Variants in DSCAM observed in about 807,000 individuals in gnomAD.
The protein encoded by DSCAM is DS cell adhesion molecule, also known as cell adhesion molecule DSCAM.
A neutral mutation model predicts 217.7 loss-of-function variants in DSCAM; 47 were observed. The observed-to-expected ratio is 0.22, with a 90% CI of 0.17 to 0.28. The LOEUF is 0.28. Among genes scored for constraint, DSCAM ranks in the 10% least tolerant of loss-of-function variants. The pLI is 1.00. For synonymous variants in DSCAM, 1,056 were observed against 1,015.3 expected (o/e 1.04, Z -0.76); for missense variants, 2,080 against 2,618.3 (o/e 0.79, Z 4.49).
intron 3 of DSCAM, among the ~76,000 whole-genome samples, chr21:40,482,002 G>C (rs2075987282): frequency 1.3e-5 from 2 of 152,216 alleles, no homozygotes; most frequent in South Asian, 2.1e-4. Context: ...TGTGAAACCA[G>C]AAATCTCAGA....
intron 21 of DSCAM, 56 bp downstream of exon 21, chr21:40,093,665 G>C (rs2089638814): frequency 6.3e-7 from 1 of 1,583,924 alleles, no homozygotes; most frequent in Non-Finnish European, 8.6e-7. Flanking sequence ...GTAAAATAGA[G>C]ACTTAAAAAC....
chr21:40,557,142 G>C (rs1385933671), intron 3 of DSCAM, among the ~76,000 whole-genome samples: 1 of 152,082 alleles, frequency 6.6e-6, no homozygotes, highest in African/African-American at 2.4e-5. Context: ...TGTGGATGTG[G>C]TTTGTCCCTG....
chr21:40,017,555 G>A (rs888838537), intron 32 of DSCAM, among the ~76,000 whole-genome samples: 22 of 126,722 alleles, frequency 1.7e-4, no homozygotes, highest in African/African-American at 7.2e-4. Context: ...ACAATAAATG[G>A]GCCATAACAT....
chr21:40,382,100 G>A (rs146554986), intron 3 of DSCAM, among the ~76,000 whole-genome samples: 54 of 152,286 alleles, frequency 3.5e-4, no homozygotes, highest in East Asian at 2.7e-3. Flanking sequence ...CTAGGCTTCC[G>A]TTTCAAAGCA....
intron 9 of DSCAM, among the ~76,000 whole-genome samples, chr21:40,310,587 T>A (rs1005797699): frequency 6.6e-6 from 1 of 152,272 alleles, no homozygotes; most frequent in Non-Finnish European, 1.5e-5. Context: ...TTGCCTTGGT[T>A]AAAAACTTCT....
At chr21:40,163,336 C>A (rs898229287) in intron 16 of DSCAM, among the ~76,000 whole-genome samples, 1 of 152,160 alleles carries the variant, frequency 6.6e-6, no homozygotes, top group Non-Finnish European at 1.5e-5. Context: ...TTTAAATATT[C>A]TTTCTGATTT....
At chr21:40,107,556 T>A (rs903815389) in intron 20 of DSCAM, among the ~76,000 whole-genome samples, 7 of 152,082 alleles carry the variant, frequency 4.6e-5, no homozygotes, top group African/African-American at 1.7e-4. Flanking sequence ...TGAATATCTT[T>A]GTTAATTTTT....
chr21:40,098,455 T>G (rs1300720926), intron 20 of DSCAM, among the ~76,000 whole-genome samples: 1 of 152,200 alleles, frequency 6.6e-6, no homozygotes, highest in Non-Finnish European at 1.5e-5. Flanking sequence ...TTCACTGATG[T>G]CACAAGACCA....
chr21:40,793,841 T>C (rs2091668297), intron 1 of DSCAM, among the ~76,000 whole-genome samples: 1 of 152,166 alleles, frequency 6.6e-6, no homozygotes, highest in South Asian at 2.1e-4. Flanking sequence ...GAATGAAGCA[T>C]TTTGTCTGGC....
intron 1 of DSCAM, among the ~76,000 whole-genome samples, chr21:40,784,363 C>T (rs1476339865): frequency 6.6e-6 from 1 of 152,128 alleles, no homozygotes; most frequent in African/African-American, 2.4e-5. Flanking sequence ...TAAGGCGTGC[C>T]TTTCACCTTC....
chr21:40,835,943 A>G (rs891914069), intron 1 of DSCAM, among the ~76,000 whole-genome samples: 7 of 152,246 alleles, frequency 4.6e-5, no homozygotes, highest in African/African-American at 7.2e-5. Flanking sequence ...AATACAGTCA[A>G]CTTGTGATTA....
At chr21:40,160,932 AT>A (rs2090534260) in intron 16 of DSCAM, among the ~76,000 whole-genome samples, 1 of 152,194 alleles carries the variant, frequency 6.6e-6, no homozygotes, top group Non-Finnish European at 1.5e-5. Flanking sequence ...TCCAAGTTCA[AT>A]TTGTGTCCTG....
At chr21:40,698,376 T>C (rs1170112328) in intron 2 of DSCAM, among the ~76,000 whole-genome samples, 1 of 151,972 alleles carries the variant, frequency 6.6e-6, no homozygotes. Flanking sequence ...TACTGGGAAA[T>C]CAAAACTTAA....
At chr21:40,766,253 G>A (rs1429340789) in intron 1 of DSCAM, among the ~76,000 whole-genome samples, 2 of 152,040 alleles carry the variant, frequency 1.3e-5, no homozygotes, top group Non-Finnish European at 2.9e-5. Flanking sequence ...TACAAAGTAA[G>A]TTGAAATTCT....
At chr21:40,153,722 G>C (rs1047916574) in intron 16 of DSCAM, among the ~76,000 whole-genome samples, 6 of 152,174 alleles carry the variant, frequency 3.9e-5, no homozygotes, top group Non-Finnish European at 5.9e-5. Context: ...AACTCTGGGG[G>C]TGGAGCCTGG....
At chr21:40,640,559 C>T (rs2089865351) in intron 3 of DSCAM, among the ~76,000 whole-genome samples, 2 of 152,072 alleles carry the variant, frequency 1.3e-5, no homozygotes, top group Admixed American at 6.5e-5. Context: ...TTAAGGAAGG[C>T]GGTTTAGCTA....
intron 30 of DSCAM, among the ~76,000 whole-genome samples, chr21:40,050,937 A>C (rs970955542): frequency 3.3e-5 from 5 of 152,230 alleles, no homozygotes; most frequent in Non-Finnish European, 5.9e-5. Flanking sequence ...AGAATGTAGA[A>C]TATTCTTGAA....
chr21:40,661,494 A>G (rs2146380735), intron 3 of DSCAM, among the ~76,000 whole-genome samples: 1 of 152,380 alleles, frequency 6.6e-6, no homozygotes, highest in Non-Finnish European at 1.5e-5. Context: ...ACCAGGCACA[A>G]GAATGACAGT....
At chr21:40,025,647 G>T (rs1317277304) in intron 32 of DSCAM, among the ~76,000 whole-genome samples, 1 of 151,006 alleles carries the variant, frequency 6.6e-6, no homozygotes, top group African/African-American at 2.5e-5. Flanking sequence ...AGATTTTCTA[G>T]TTTATTTGCG....
Sources: allele counts gnomAD v4.1 joint callset (sites outside exome capture counted in the v4.1 genomes callset), GRCh38; gene constraint gnomAD v4.1.1; transcripts MANE v1.5; gene names NCBI Gene and HGNC (gene_info 2026-07-23, HGNC 2026-07-21).